TMEM132C: variants seen among roughly 807,000 people sequenced by gnomAD.
TMEM132C encodes protein phosphatase 1, regulatory subunit 152.
TMEM132C carries 29 observed loss-of-function variants against 61.4 expected under a neutral mutation model. The ratio of observed to expected loss-of-function variants is 0.47; its 90% CI spans 0.35 to 0.64. The LOEUF is 0.64. TMEM132C is among the 30% of genes least tolerant of loss of function. TMEM132C has a pLI of 0.00. For synonymous variants in TMEM132C, 656 were observed against 633.1 expected (o/e 1.04, Z -0.54); for missense variants, 1,408 against 1,476.9 (o/e 0.95, Z 0.76).
intron 1 of TMEM132C, among the ~76,000 whole-genome samples, chr12:128,272,541 G>T (rs1870558549): frequency 6.6e-6 from 1 of 152,302 alleles, no homozygotes; most frequent in Non-Finnish European, 1.5e-5. Context: ...GATTGGGATT[G>T]CTAGGTTGTA....
At chr12:128,655,009 G>A (rs1343400824) in intron 4 of TMEM132C, among the ~76,000 whole-genome samples, 2 of 152,214 alleles carry the variant, frequency 1.3e-5, no homozygotes, top group Non-Finnish European at 2.9e-5. Flanking sequence ...AGTCGCAGAG[G>A]AAATGAGGGG....
chr12:128,415,209 A>T lies in TMEM132C; in HGVS notation c.563A>T (p.Lys188Met). The T allele has an allele frequency of 6.2e-7, 1 of 1,610,562 alleles. No individual in the cohort carries two copies. The highest frequency in any genetic ancestry group is 8.5e-7 in the Non-Finnish European group (1 of 1,178,482). The change falls in exon 2 of 9, where the codon AAG (lysine) becomes ATG (methionine). Residue 188 changes from lysine (K) to methionine (M), a missense_variant. Lys to Met is a moderately conservative substitution (Grantham distance 95, BLOSUM62 -1). Coordinates refer to ENST00000435159, the MANE Select transcript of TMEM132C (RefSeq NM_001136103.3). This position sits in a 1 kb window ranked among gnomAD's most constrained non-coding sequence, Gnocchi z 5.8. ...TREVRGSCRL[K>M]GDLGLCVAEL... The stretch of plus-strand genomic sequence containing the variant: ...GAGGTGCGGGGCAGCTGCCGGCTGA[A>T]GGGGGACCTGGGGCTGTGTGTGGCT...
At chr12:128,294,100 G>T (rs966328682) in intron 1 of TMEM132C, 3 of 154,708 alleles carry the variant, frequency 1.9e-5, no homozygotes, top group Non-Finnish European at 4.4e-5. Flanking sequence ...TGGGGACTGG[G>T]GATGAGGAGG....
chr12:128,705,453 C>G lies in TMEM132C; in HGVS notation c.2485C>G (p.Gln829Glu). The change falls in exon 9 of 9, where the codon CAG (glutamine) becomes GAG (glutamate). Residue 829 changes from glutamine to glutamate, a missense_variant. Transcript: ENST00000435159. ...CGCCAGCGACCGCCGGCAGAAGGGCCAGCACCATGAGCGCACAGGCCAAGA... is the reference window on the plus strand; with the variant it reads ...CGCCAGCGACCGCCGGCAGAAGGGCGAGCACCATGAGCGCACAGGCCAAGA... Reference protein sequence around the residue: ...NHASDRRQKGQHHERTGQDGH... With the variant: ...NHASDRRQKGEHHERTGQDGH... 2 of 1,551,110 alleles carry G rather than the reference C, an allele frequency of 1.3e-6. No homozygotes were observed. Among genetic ancestry groups the G allele is most frequent in the Non-Finnish European group, 1.7e-6 (2 of 1,146,946 alleles).
Position 128,415,591 on chromosome 12 carries a change from C to A in TMEM132C, c.945C>A (p.Ser315Arg). Residue 315 changes from serine (S) to arginine (R), a missense_variant, in exon 2 of 9, where the codon AGC (serine) becomes AGA (arginine). Physicochemically the swap from Ser to Arg is moderately radical, Grantham distance 110. Coordinates refer to ENST00000435159, the MANE Select transcript of TMEM132C (RefSeq NM_001136103.3). The surrounding 1 kb of genome is among the most constrained non-coding windows in gnomAD (Gnocchi z 5.8). ...EVVTAYVTIS[S>R]NSSVDLFILR... ...TCACGGCCTATGTCACCATCTCGAG[C>A]AATTCCTCTGTGGACCTCTTCATCT... The A allele has an allele frequency of 6.5e-7, 1 of 1,544,642 alleles. No homozygotes were observed. Among genetic ancestry groups the A allele is most frequent in the Non-Finnish European group, 8.7e-7 (1 of 1,143,314 alleles).
At chr12:128,465,533 A>G (rs1870703006) in intron 2 of TMEM132C, among the ~76,000 whole-genome samples, 2 of 152,186 alleles carry the variant, frequency 1.3e-5, no homozygotes, top group Admixed American at 6.6e-5. Flanking sequence ...AGAGATACTC[A>G]TGAGTACACT....
chr12:128,355,168 C>T (rs1009073784), intron 1 of TMEM132C, among the ~76,000 whole-genome samples: 12 of 152,166 alleles, frequency 7.9e-5, no homozygotes, highest in African/African-American at 2.9e-4. Context: ...GAAGAAACAA[C>T]CCTAGGATTG....
chr12:128,387,764 C>G (rs1593035045), intron 1 of TMEM132C, among the ~76,000 whole-genome samples: 1 of 152,210 alleles, frequency 6.6e-6, no homozygotes, highest in East Asian at 1.9e-4. Flanking sequence ...GCAGAGATCA[C>G]ACCATTGCAC....
At chr12:128,619,834 G>C (rs953262262) in intron 4 of TMEM132C, among the ~76,000 whole-genome samples, 1 of 152,154 alleles carries the variant, frequency 6.6e-6, no homozygotes, top group Non-Finnish European at 1.5e-5. Flanking sequence ...AAGAAAAAAG[G>C]GTTCATATCC....
At position 128,705,016 on chromosome 12, in the gene TMEM132C, C is replaced by T. The variant is rs183026597; in HGVS notation, c.2122-74C>T. On this transcript the variant is annotated intron_variant, in intron 8 of 8. Transcript: ENST00000435159. ...AGGTCCTGCTCCCTGTTTCATTGGGCGTCCTCCTAGGAGGGGGTTTCTAAG... is the reference window on the plus strand; with the variant it reads ...AGGTCCTGCTCCCTGTTTCATTGGGTGTCCTCCTAGGAGGGGGTTTCTAAG... 8,075 of 1,432,610 alleles carry T rather than the reference C, an allele frequency of 5.6e-3. 23 individuals carry two copies. Among genetic ancestry groups the T allele is most frequent in the Non-Finnish European group, 6.5e-3 (7,089 of 1,083,396 alleles). 88.7% of individuals were successfully genotyped at this position (1,432,610 alleles called of 1,614,324 possible).
At chr12:128,644,272 A>C (rs1451724908) in intron 4 of TMEM132C, among the ~76,000 whole-genome samples, 1 of 152,238 alleles carries the variant, frequency 6.6e-6, no homozygotes, top group Non-Finnish European at 1.5e-5. Context: ...ATTTGTCCAC[A>C]TGGAGATAGG....
At chr12:128,562,166 G>C (rs1171918521) in intron 3 of TMEM132C, among the ~76,000 whole-genome samples, 1 of 152,152 alleles carries the variant, frequency 6.6e-6, no homozygotes, top group Non-Finnish European at 1.5e-5. Flanking sequence ...ATGTGGCTTG[G>C]CGCCAAGCAT....
intron 1 of TMEM132C, among the ~76,000 whole-genome samples, chr12:128,319,612 G>A (rs973476234): frequency 1.3e-5 from 2 of 152,066 alleles, no homozygotes; most frequent in Non-Finnish European, 2.9e-5. Context: ...CGGATCACAG[G>A]GTTAGGAGTT....
At chr12:128,357,692 CAA>C (rs751246246) in intron 1 of TMEM132C, among the ~76,000 whole-genome samples, 2,029 of 71,242 alleles carry the variant, frequency 0.028, 42 homozygotes, top group African/African-American at 0.087. Flanking sequence ...GACTCCGTCT[CAA>C]AAAAAAAAAA....
chr12:128,345,107 C>A (rs907952232), intron 1 of TMEM132C, among the ~76,000 whole-genome samples: 1 of 152,022 alleles, frequency 6.6e-6, no homozygotes, highest in African/African-American at 2.4e-5. Flanking sequence ...TGTTTTCCCC[C>A]CATGTATTCT....
At chr12:128,317,210 A>C (rs1444814736) in intron 1 of TMEM132C, among the ~76,000 whole-genome samples, 1 of 152,116 alleles carries the variant, frequency 6.6e-6, no homozygotes, top group East Asian at 1.9e-4. Context: ...TTCCTAAGCA[A>C]AACTTTCTCC....
At chr12:128,418,826 C>G (rs1487231809) in intron 2 of TMEM132C, among the ~76,000 whole-genome samples, 1 of 152,200 alleles carries the variant, frequency 6.6e-6, no homozygotes, top group African/African-American at 2.4e-5. Flanking sequence ...AAAATTAGTT[C>G]CTTGAACACC....
At chr12:128,644,045 A>G (rs932201155) in intron 4 of TMEM132C, among the ~76,000 whole-genome samples, 1 of 152,240 alleles carries the variant, frequency 6.6e-6, no homozygotes, top group Non-Finnish European at 1.5e-5. Flanking sequence ...TAAAGCCACA[A>G]TGAAATATCG....
At chr12:128,428,990 A>G (rs556347721) in intron 2 of TMEM132C, among the ~76,000 whole-genome samples, 1 of 152,238 alleles carries the variant, frequency 6.6e-6, no homozygotes, top group East Asian at 1.9e-4. Context: ...CAGAGAGTCT[A>G]TTGCAACTAT....
Sources: allele counts gnomAD v4.1 joint callset (sites outside exome capture counted in the v4.1 genomes callset), GRCh38; gene constraint gnomAD v4.1.1; non-coding constraint Gnocchi (gnomAD v3.1); transcripts MANE v1.5; gene names NCBI Gene and HGNC (gene_info 2026-07-23, HGNC 2026-07-21).